The following PRKN variants were observed in gnomAD, a reference collection of about 807,000 sequenced individuals.
The protein encoded by PRKN is parkin RBR E3 ubiquitin protein ligase, also known as E3 ubiquitin-protein ligase parkin.
A neutral mutation model predicts 59.5 loss-of-function variants in PRKN; 56 were observed. That is an observed-to-expected ratio of 0.94 (90% CI 0.76 to 1.18). The LOEUF (loss-of-function observed/expected upper bound fraction) is 1.18. PRKN is among the 50% of genes most tolerant of loss of function. PRKN has a pLI of 0.00. For synonymous variants in PRKN, 250 were observed against 222.1 expected, an observed-to-expected ratio of 1.13 and a Z score of -1.12; for missense variants, 657 against 596.4, an observed-to-expected ratio of 1.10 and a Z score of -1.06.
intron 4 of PRKN, among the ~76,000 whole-genome samples, chr6:162,079,914 T>C (rs1173585951): frequency 1.3e-5 from 2 of 152,172 alleles, no homozygotes; most frequent in African/African-American, 4.8e-5. Flanking sequence ...AAATGAATTC[T>C]CAACTTTCTC....
chr6:161,494,791 G>A (rs1338146141), intron 9 of PRKN, among the ~76,000 whole-genome samples: 1 of 152,194 alleles, frequency 6.6e-6, no homozygotes, highest in African/African-American at 2.4e-5. Flanking sequence ...AGGTGCATCT[G>A]ATGAACTCTG....
At chr6:162,555,438 C>G (rs181156109) in intron 1 of PRKN, among the ~76,000 whole-genome samples, 20 of 152,146 alleles carry the variant, frequency 1.3e-4, no homozygotes, top group Non-Finnish European at 2.2e-4. Context: ...TTACACTAAT[C>G]CATTGGGTAA....
Position 161,670,253 on chromosome 6 carries a change from G to C in PRKN, c.872-100837C>G, listed in dbSNP as rs138567225. Among the ~76,000 whole-genome samples, 426 of 152,240 alleles carry C rather than the reference G, an allele frequency of 2.8e-3. 2 individuals are homozygous for C. Among genetic ancestry groups the C allele is most frequent in the African/African-American group, 9.9e-3 (413 of 41,536 alleles). Reference sequence around the variant, plus strand: ...AGGAGAGGAGGTAGGAGATAATGAAGGGACGTGATTAGCTTTGTGGGACAG... The same window carrying C: ...AGGAGAGGAGGTAGGAGATAATGAACGGACGTGATTAGCTTTGTGGGACAG... On this transcript the variant is annotated intron_variant, in intron 7 of 11. Coordinates refer to ENST00000366898, the MANE Select transcript of PRKN (RefSeq NM_004562.3).
intron 4 of PRKN, among the ~76,000 whole-genome samples, chr6:162,132,512 A>T (rs542636908): frequency 4.6e-5 from 7 of 152,302 alleles, no homozygotes; most frequent in African/African-American, 1.4e-4. Context: ...TGGACATAAT[A>T]ACTATCTTAT....
Position 161,545,598 on chromosome 6 carries a change from T to C in PRKN, c.1083+3256A>G, listed in dbSNP as rs569580177. 6.6e-6 allele frequency among the ~76,000 whole-genome samples: 1 copy of C among 152,294 alleles called. No individual in the cohort carries two copies. The highest frequency in any genetic ancestry group is 2.4e-5 in the African/African-American group (1 of 41,566). On this transcript the variant is annotated intron_variant, in intron 9 of 11. Coordinates refer to ENST00000366898, the MANE Select transcript of PRKN (RefSeq NM_004562.3). The surrounding 1 kb of genome is among the most constrained non-coding windows in gnomAD (Gnocchi z 4.1). ...AGAAAAGATGGGCAGCTTACAAGGT[T>C]ATACAAACCACAGCAAAACAACATG...
intron 8 of PRKN, among the ~76,000 whole-genome samples, chr6:161,555,580 C>CTA: frequency 6.6e-6 from 1 of 152,244 alleles, no homozygotes; most frequent in South Asian, 2.1e-4. Flanking sequence ...TTTAACCGGA[C>CTA]TATCTCCTTC....
At chr6:162,127,541 G>C (rs996293671) in intron 4 of PRKN, among the ~76,000 whole-genome samples, 4 of 152,152 alleles carry the variant, frequency 2.6e-5, no homozygotes, top group Admixed American at 1.3e-4. Context: ...CACATCCCAG[G>C]AATCAATGGC....
chr6:161,742,426 A>G (rs1788228811), intron 7 of PRKN, among the ~76,000 whole-genome samples: 6 of 152,194 alleles, frequency 3.9e-5, no homozygotes, highest in Admixed American at 2.0e-4. Context: ...TAAATAAGGG[A>G]AAATCCTGGG....
chr6:162,310,512 G>C (rs1782450695), intron 2 of PRKN, among the ~76,000 whole-genome samples: 1 of 151,738 alleles, frequency 6.6e-6, no homozygotes, highest in Admixed American at 6.6e-5. Context: ...CCGACACCTT[G>C]TTTTCTGCCT....
rs1354220593 is a variant in PRKN, at chr6:161,839,056, G to A, written c.735-53148C>T. 7.9e-5 allele frequency among the ~76,000 whole-genome samples: 12 copies of A among 152,130 alleles called. 1 individual carries two copies. The South Asian group carries it at 2.5e-3, about 32-fold the overall frequency. The stretch of plus-strand genomic sequence containing the variant: ...CTTTGGTTCAGAAGCAAAATAGGGG[G>A]AAAAAAGAGGCCCAGAAAGAAACAG... On this transcript the variant is annotated intron_variant, in intron 6 of 11. Transcript: ENST00000366898.
chr6:162,221,987 T>C (rs1777955939), intron 3 of PRKN, among the ~76,000 whole-genome samples: 1 of 152,146 alleles, frequency 6.6e-6, no homozygotes. Context: ...GACGTACCAG[T>C]TGGAGGATAA....
chr6:162,296,145 G>T (rs1781663882), intron 2 of PRKN, among the ~76,000 whole-genome samples: 1 of 152,032 alleles, frequency 6.6e-6, no homozygotes, highest in Non-Finnish European at 1.5e-5. Flanking sequence ...TAAAAAGAAG[G>T]AAAAGATGGA....
chr6:161,503,494 A>G lies in PRKN; in HGVS notation c.1083+45360T>C, dbSNP rs1169555788. Among the ~76,000 whole-genome samples, 1 of 152,138 alleles carries G rather than the reference A, an allele frequency of 6.6e-6. No homozygotes were observed. Among genetic ancestry groups the G allele is most frequent in the African/African-American group, 2.4e-5 (1 of 41,428 alleles). ...GCCCCCACTGCACTAAGACTTTTAC[A>G]TGTTTTAACTCACTTAATGGCTGCA... On this transcript the variant is annotated intron_variant, in intron 9 of 11. Transcript: ENST00000366898. This position sits in a 1 kb window ranked among gnomAD's most constrained non-coding sequence, Gnocchi z 5.1.
intron 2 of PRKN, among the ~76,000 whole-genome samples, chr6:162,358,441 T>C (rs1784970311): frequency 6.6e-6 from 1 of 152,222 alleles, no homozygotes; most frequent in Non-Finnish European, 1.5e-5. Context: ...GGTATTTCTA[T>C]TCCTTCTTTT....
At chr6:162,023,346 G>GA (rs1783285943) in intron 5 of PRKN, among the ~76,000 whole-genome samples, 1 of 152,184 alleles carries the variant, frequency 6.6e-6, no homozygotes, top group African/African-American at 2.4e-5. Flanking sequence ...TGTACCAGAA[G>GA]AATCAGATCA....
chr6:161,435,100 A>G (rs12661014), intron 9 of PRKN, among the ~76,000 whole-genome samples: 87,224 of 151,970 alleles, frequency 0.57, 25,441 homozygotes, highest in East Asian at 0.9. Flanking sequence ...GAACAGACAG[A>G]TCTGGTGAGA....
rs1364782934 is a variant in PRKN at position 161,859,513 on chromosome 6, T to C, written c.735-73605A>G. 2.0e-5 allele frequency among the ~76,000 whole-genome samples: 3 copies of C among 147,572 alleles called. No homozygotes were observed. In the Admixed American group the frequency reaches 2.1e-4, roughly 10 times the overall value. On this transcript the variant is annotated intron_variant, in intron 6 of 11. Coordinates refer to ENST00000366898, the MANE Select transcript of PRKN (RefSeq NM_004562.3). ...GTAATCTCAGCTACTCGGGAGGATG[T>C]GGCAGAAGAATTGCTTGAATCAGGG...
chr6:162,452,171 GAATAA>G (rs1790657655), intron 1 of PRKN, among the ~76,000 whole-genome samples: 1 of 151,964 alleles, frequency 6.6e-6, no homozygotes, highest in Non-Finnish European at 1.5e-5. Flanking sequence ...TTAAAAATGA[GAATAA>G]AATAAAGATA....
In PRKN at chr6:161,414,414, C is replaced by T. The variant is rs1787745119; in HGVS notation, c.1084-27537G>A. Among the ~76,000 whole-genome samples, 1 of 152,250 alleles carries T rather than the reference C, an allele frequency of 6.6e-6. No homozygotes were observed. Among genetic ancestry groups the T allele is most frequent in the Admixed American group, 6.5e-5 (1 of 15,290 alleles). On this transcript the variant is annotated intron_variant, in intron 9 of 11. Transcript: ENST00000366898. The surrounding 1 kb of genome is among the most constrained non-coding windows in gnomAD (Gnocchi z 5.3). ...GCAAAGGTTTCTGCCTGAGACAGTC[C>T]TTGGCCTCCAGCCACGGCTTCCGTG...
Sources: gnomAD v4.1 joint callset for allele counts (sites outside exome capture counted in the v4.1 genomes callset) on GRCh38, gnomAD v4.1.1 for gene constraint, Gnocchi (gnomAD v3.1) non-coding constraint, MANE v1.5 for transcripts, NCBI Gene and HGNC (gene_info 2026-07-23, HGNC 2026-07-21) for gene names.